RBMS3: variants seen among roughly 807,000 people sequenced by gnomAD.
The protein encoded by RBMS3 is RNA-binding motif, single-stranded-interacting protein 3.
A neutral mutation model predicts 66.8 loss-of-function variants in RBMS3; 27 were observed. The ratio of observed to expected loss-of-function variants is 0.40; its 90% confidence interval spans 0.30 to 0.56. The LOEUF (loss-of-function observed/expected upper bound fraction) is 0.56. Among genes scored for constraint, RBMS3 ranks in the 20% least tolerant of loss-of-function variants. RBMS3 has a pLI of 0.40. For synonymous variants in RBMS3, 188 were observed against 183.0 expected (o/e 1.03, Z -0.22); for missense variants, 513 against 549.5 (o/e 0.93, Z 0.66).
At chr3:29,995,117 G>A (rs1320600360) in intron 14 of RBMS3, among the ~76,000 whole-genome samples, 27 of 152,310 alleles carry the variant, frequency 1.8e-4, no homozygotes, top group African/African-American at 5.1e-4. Flanking sequence ...CAAGAACTAC[G>A]TGAAGAATGC....
intron 4 of RBMS3, among the ~76,000 whole-genome samples, chr3:29,654,806 C>T (rs1293000376): frequency 1.3e-5 from 2 of 150,918 alleles, no homozygotes; most frequent in African/African-American, 2.4e-5. Context: ...CCATGTTGAC[C>T]AGGCTGGTCT....
intron 12 of RBMS3, among the ~76,000 whole-genome samples, chr3:29,979,952 G>A (rs1697867722): frequency 6.6e-6 from 1 of 152,202 alleles, no homozygotes; most frequent in Non-Finnish European, 1.5e-5. Context: ...TATATACCCA[G>A]TAATGGGATT....
intron 1 of RBMS3, among the ~76,000 whole-genome samples, chr3:29,292,277 G>C (rs760149856): frequency 6.6e-6 from 1 of 151,488 alleles, no homozygotes; most frequent in Non-Finnish European, 1.5e-5. Flanking sequence ...TTTTCTCTGA[G>C]GCTTTACAAC....
At chr3:29,321,655 A>T (rs1023354734) in intron 1 of RBMS3, among the ~76,000 whole-genome samples, 4 of 152,132 alleles carry the variant, frequency 2.6e-5, no homozygotes, top group African/African-American at 9.7e-5. Context: ...CACCAATTTT[A>T]TTCTCAATAG....
At chr3:29,711,120 T>G (rs902217083) in intron 4 of RBMS3, among the ~76,000 whole-genome samples, 5 of 152,198 alleles carry the variant, frequency 3.3e-5, no homozygotes, top group African/African-American at 1.2e-4. Context: ...GTGATAAAGT[T>G]TAATTTATAA....
rs556494513 is a variant in RBMS3 at position 29,748,944 on chromosome 3, C to T, written c.557+9067C>T. On this transcript the variant is annotated intron_variant, in intron 5 of 14. Transcript: ENST00000383767. ...CTAAAGCTGAATTGGAATGGTATCA[C>T]AGGGTGGCAAAAATGAGACTTCAGC... 9.2e-5 allele frequency among the ~76,000 whole-genome samples: 14 copies of T among 152,248 alleles called. No individual in the cohort carries two copies. In the East Asian group the frequency reaches 2.5e-3, roughly 27 times the overall value.
chr3:29,777,788 A>G (rs1020590318), intron 6 of RBMS3, among the ~76,000 whole-genome samples: 1 of 151,910 alleles, frequency 6.6e-6, no homozygotes, highest in Non-Finnish European at 1.5e-5. Flanking sequence ...TTACAATTCT[A>G]CAACAACAAT....
At chr3:29,499,201 T>C (rs983432460) in intron 3 of RBMS3, among the ~76,000 whole-genome samples, 6 of 152,210 alleles carry the variant, frequency 3.9e-5, no homozygotes, top group Non-Finnish European at 2.9e-5. Flanking sequence ...CCTTAGTTTT[T>C]TAAACTATGG....
At chr3:29,940,641 T>A (rs995964118) in intron 11 of RBMS3, among the ~76,000 whole-genome samples, 4 of 151,848 alleles carry the variant, frequency 2.6e-5, no homozygotes, top group African/African-American at 9.7e-5. Flanking sequence ...TCATCTCCCA[T>A]GACCTCAAAT....
At chr3:29,934,305 G>A (rs1427466996) in intron 10 of RBMS3, 1 of 150,030 alleles carries the variant, frequency 6.7e-6, no homozygotes, top group Non-Finnish European at 1.5e-5. Flanking sequence ...ACCACTTTTT[G>A]GTTGAAAAAA....
At chr3:29,335,011 A>G (rs996376212) in intron 1 of RBMS3, among the ~76,000 whole-genome samples, 14 of 152,158 alleles carry the variant, frequency 9.2e-5, no homozygotes, top group Admixed American at 3.9e-4. Context: ...TGTAACATTC[A>G]TCAGTTATGT....
intron 1 of RBMS3, among the ~76,000 whole-genome samples, chr3:29,351,064 C>T (rs1446995025): frequency 6.6e-6 from 1 of 152,068 alleles, no homozygotes; most frequent in East Asian, 1.9e-4. Context: ...AACTTGCTTA[C>T]TTGATTTCTT....
chr3:29,558,084 A>G (rs965400183), intron 3 of RBMS3, among the ~76,000 whole-genome samples: 1 of 152,144 alleles, frequency 6.6e-6, no homozygotes, highest in African/African-American at 2.4e-5. Context: ...TCACAGTGAG[A>G]TAAAGGAGGT....
At chr3:29,490,189 T>G (rs1287337910) in intron 3 of RBMS3, among the ~76,000 whole-genome samples, 1 of 148,330 alleles carries the variant, frequency 6.7e-6, no homozygotes, top group African/African-American at 2.5e-5. Flanking sequence ...AAATTTAAAA[T>G]TTTGAGCAGA....
chr3:29,623,297 A>G (rs895311540), intron 4 of RBMS3, among the ~76,000 whole-genome samples: 1 of 152,024 alleles, frequency 6.6e-6, no homozygotes, highest in Non-Finnish European at 1.5e-5. Flanking sequence ...AAACATTATA[A>G]AAGTATAAAA....
chr3:29,991,353 G>A, intron 14 of RBMS3, 144 bp downstream of exon 14: 2 of 1,414,818 alleles, frequency 1.4e-6, no homozygotes, highest in South Asian at 1.4e-5. Context: ...GATTATGTGG[G>A]TTTGAAATTT....
chr3:29,382,472 T>C (rs1226438959), intron 1 of RBMS3, among the ~76,000 whole-genome samples: 1 of 152,192 alleles, frequency 6.6e-6, no homozygotes, highest in Non-Finnish European at 1.5e-5. Context: ...TCTGTTGCTT[T>C]AGTATTTAAA....
chr3:29,706,913 T>C (rs1404176666), intron 4 of RBMS3, among the ~76,000 whole-genome samples: 1 of 152,194 alleles, frequency 6.6e-6, no homozygotes, highest in South Asian at 2.1e-4. Context: ...AAATACAGAC[T>C]TTTTTAAAAG....
chr3:29,766,582 T>C lies in RBMS3; in HGVS notation c.637+3593T>C, dbSNP rs146373146. The C allele has an allele frequency of 2.6e-4, 39 of 152,114 alleles. 1 individual carries two copies. In the East Asian group the frequency reaches 6.8e-3, roughly 27 times the overall value. The allele number at this position is 152,114 out of a possible 1,614,324, so 9.4% of individuals were successfully genotyped here. A position where few individuals can be genotyped will look rare whatever the true frequency, so the allele number is the denominator to read the frequency against. The stretch of plus-strand genomic sequence containing the variant: ...AGATATCTTTTTGGAACACGCTTTA[T>C]TTCTCTGGGCTCCTCCTATTTATTC... On this transcript the variant is annotated intron_variant, in intron 6 of 14. Transcript: ENST00000383767.
Sources: allele counts gnomAD v4.1 joint callset (sites outside exome capture counted in the v4.1 genomes callset), GRCh38; gene constraint gnomAD v4.1.1; transcripts MANE v1.5; gene names NCBI Gene and HGNC (gene_info 2026-07-23, HGNC 2026-07-21).